The following STARD13 variants were observed in gnomAD, a reference collection of about 807,000 sequenced individuals.
STARD13 encodes the protein stAR-related lipid transfer protein 13.
Under a neutral mutation model 106.4 loss-of-function variants are expected in STARD13, and 62 were observed. The ratio of observed to expected loss-of-function variants is 0.58; its 90% CI spans 0.48 to 0.72. STARD13 has a LOEUF of 0.72. Ranked by LOEUF, STARD13 falls within the 30% of genes least tolerant of loss-of-function variation. The pLI is 0.00. For synonymous variants in STARD13, 565 were observed against 553.0 expected, an observed-to-expected ratio of 1.02 and a Z score of -0.31; for missense variants, 1,387 against 1,424.0, an observed-to-expected ratio of 0.97 and a Z score of 0.42.
At chr13:33,622,782 T>A in the STARD13 span, among the ~76,000 whole-genome samples, 1 of 151,342 alleles carries the variant, frequency 6.6e-6, no homozygotes, top group African/African-American at 2.4e-5. Flanking sequence ...TAGCCGGGCG[T>A]GGTGGCGCAT....
intron 1 of STARD13, among the ~76,000 whole-genome samples, chr13:33,227,117 A>C (rs1173136088): frequency 6.6e-6 from 1 of 152,262 alleles, no homozygotes; most frequent in Non-Finnish European, 1.5e-5. Context: ...AAAATGCCTC[A>C]GTGACCAGTT....
At chr13:33,472,584 G>A in the STARD13 span, among the ~76,000 whole-genome samples, 18 of 151,892 alleles carry the variant, frequency 1.2e-4, no homozygotes, top group African/African-American at 1.9e-4. Context: ...GTTCCCTAGA[G>A]CAGGTAGAGG....
chr13:33,167,406 G>A, intron 2 of STARD13, 145 bp downstream of exon 2: 2 of 701,306 alleles, frequency 2.9e-6, no homozygotes, highest in Admixed American at 2.6e-5. Context: ...ATAACCCCTG[G>A]GCATAGCAAA....
At chr13:33,583,796 C>G in the STARD13 span, among the ~76,000 whole-genome samples, 1 of 152,024 alleles carries the variant, frequency 6.6e-6, no homozygotes, top group South Asian at 2.1e-4. Flanking sequence ...CAATACTAAT[C>G]ATCATAACAA....
the STARD13 span, among the ~76,000 whole-genome samples, chr13:33,624,058 T>A: frequency 6.6e-6 from 1 of 152,224 alleles, no homozygotes; most frequent in Non-Finnish European, 1.5e-5. Context: ...TTTGGCAGTG[T>A]TTTTGTAAAA....
chr13:33,450,040 T>C, the STARD13 span, among the ~76,000 whole-genome samples: 1 of 152,212 alleles, frequency 6.6e-6, no homozygotes, highest in African/African-American at 2.4e-5. Context: ...TAGGGACAGC[T>C]TGATTTCTAC....
the STARD13 span, among the ~76,000 whole-genome samples, chr13:33,671,407 T>C: frequency 1.3e-5 from 2 of 152,216 alleles, no homozygotes; most frequent in African/African-American, 4.8e-5. Context: ...TGGTTTGCAT[T>C]CATTATTTCC....
chr13:33,361,214 C>A, the STARD13 span, among the ~76,000 whole-genome samples: 2 of 151,696 alleles, frequency 1.3e-5, no homozygotes, highest in Non-Finnish European at 2.9e-5. Context: ...TTTTATTCTT[C>A]CTTCTCATCA....
At chr13:33,393,629 T>C in the STARD13 span, among the ~76,000 whole-genome samples, 1 of 152,222 alleles carries the variant, frequency 6.6e-6, no homozygotes, top group African/African-American at 2.4e-5. Context: ...ATAATAATCA[T>C]GATCAGAGTA....
intron 3 of STARD13, among the ~76,000 whole-genome samples, chr13:33,157,092 A>C (rs1882067378): frequency 6.6e-6 from 1 of 152,202 alleles, no homozygotes; most frequent in Non-Finnish European, 1.5e-5. Context: ...ATGTTATTCA[A>C]CATACTCGAA....
At chr13:33,187,651 A>G (rs1885892093) in intron 1 of STARD13, among the ~76,000 whole-genome samples, 1 of 152,160 alleles carries the variant, frequency 6.6e-6, no homozygotes, top group Non-Finnish European at 1.5e-5. Context: ...AAAAAATTAA[A>G]TGAAGCATCT....
the STARD13 span, among the ~76,000 whole-genome samples, chr13:33,371,616 C>A: frequency 6.6e-6 from 1 of 152,156 alleles, no homozygotes; most frequent in Non-Finnish European, 1.5e-5. Flanking sequence ...CCCTCCTGCT[C>A]CCTGAGTTCT....
intron 1 of STARD13, among the ~76,000 whole-genome samples, chr13:33,192,228 CTT>C (rs1886302294): frequency 6.6e-6 from 1 of 152,208 alleles, no homozygotes; most frequent in Non-Finnish European, 1.5e-5. Context: ...AATTGCAGTA[CTT>C]ACTAAACAGG....
chr13:33,204,000 G>T (rs1016471563), intron 1 of STARD13, among the ~76,000 whole-genome samples: 2 of 152,156 alleles, frequency 1.3e-5, no homozygotes, highest in African/African-American at 2.4e-5. Context: ...TCATCAAAAG[G>T]TTAATCATCT....
chr13:33,499,522 C>CTTTCTTTCT, the STARD13 span, among the ~76,000 whole-genome samples: 1 of 53,460 alleles, frequency 1.9e-5, no homozygotes, highest in African/African-American at 7.4e-5. Context: ...TTCTTTCTTT[C>CTTTCTTTCT]TTCTTCTTCT....
intron 1 of STARD13, among the ~76,000 whole-genome samples, chr13:33,262,392 T>G (rs1053167549): frequency 6.6e-6 from 1 of 152,122 alleles, no homozygotes; most frequent in African/African-American, 2.4e-5. Context: ...CGCACAGAGG[T>G]GGCAGCCCTG....
chr13:33,268,663 G>A (rs1891021474), intron 1 of STARD13, among the ~76,000 whole-genome samples: 4 of 152,200 alleles, frequency 2.6e-5, no homozygotes, highest in Admixed American at 2.6e-4. Context: ...TCCAGCTAAC[G>A]CCAAAGCCAT....
chr13:33,245,959 G>A (rs1269310757), intron 1 of STARD13, among the ~76,000 whole-genome samples: 2 of 152,182 alleles, frequency 1.3e-5, no homozygotes, highest in Non-Finnish European at 2.9e-5. Context: ...ACTGTGAGCA[G>A]AAGAATGATA....
chr13:33,440,408 C>G, the STARD13 span, among the ~76,000 whole-genome samples: 1 of 152,044 alleles, frequency 6.6e-6, no homozygotes, highest in East Asian at 1.9e-4. Context: ...CCAGGCCCTG[C>G]GTCACTGTGT....
Sources: allele counts gnomAD v4.1 joint callset (sites outside exome capture counted in the v4.1 genomes callset), GRCh38; gene constraint gnomAD v4.1.1; transcripts MANE v1.5; gene names NCBI Gene and HGNC (gene_info 2026-07-23, HGNC 2026-07-21).